HS6ST3: variants seen among roughly 807,000 people sequenced by gnomAD.
The protein encoded by HS6ST3 is heparan sulfate 6-O-sulfotransferase 3.
A neutral mutation model predicts 36.7 loss-of-function variants in HS6ST3; 12 were observed. That is an observed-to-expected ratio of 0.33 (90% confidence interval 0.21 to 0.53). The LOEUF (loss-of-function observed/expected upper bound fraction) is 0.53, where lower values mean the gene tolerates loss of function less well. Ranked by LOEUF, HS6ST3 falls within the 20% of genes least tolerant of loss-of-function variation. The probability of loss-of-function intolerance (pLI) is 0.95; values close to 1 mark genes in which losing one functional copy is unlikely to be tolerated. For synonymous variants in HS6ST3, 240 were observed against 257.5 expected (o/e 0.93, Z 0.65); for missense variants, 584 against 640.9 (o/e 0.91, Z 0.96).
intron 1 of HS6ST3, among the ~76,000 whole-genome samples, chr13:96,312,351 T>C (rs898763671): frequency 2.0e-5 from 3 of 152,184 alleles, no homozygotes; most frequent in Non-Finnish European, 4.4e-5. Flanking sequence ...TTTTCTTCAT[T>C]ATTAGTTTCT....
chr13:96,467,643 T>A (rs2055820810), intron 1 of HS6ST3, among the ~76,000 whole-genome samples: 1 of 152,164 alleles, frequency 6.6e-6, no homozygotes, highest in African/African-American at 2.4e-5. Context: ...TAATAATAAG[T>A]GATGATAACC....
chr13:96,255,977 A>G (rs2054635033), intron 1 of HS6ST3, among the ~76,000 whole-genome samples: 1 of 152,228 alleles, frequency 6.6e-6, no homozygotes, highest in Non-Finnish European at 1.5e-5. Context: ...CTCATGTCCC[A>G]TGAGCTTTTG....
At chr13:96,400,710 G>A (rs1244537473) in intron 1 of HS6ST3, among the ~76,000 whole-genome samples, 6 of 152,138 alleles carry the variant, frequency 3.9e-5, no homozygotes, top group East Asian at 1.9e-4. Context: ...CACCAGTGGC[G>A]CAGGGCTTTG....
At chr13:96,271,715 A>G (rs529771900) in intron 1 of HS6ST3, among the ~76,000 whole-genome samples, 2 of 152,120 alleles carry the variant, frequency 1.3e-5, no homozygotes, top group African/African-American at 4.8e-5. Context: ...GAATCTCCCA[A>G]TCTCAGTGGG....
chr13:96,505,711 T>C (rs1276225228), intron 1 of HS6ST3, among the ~76,000 whole-genome samples: 1 of 152,162 alleles, frequency 6.6e-6, no homozygotes, highest in Admixed American at 6.6e-5. Context: ...ATTGAAGCCC[T>C]TTAAAAATTC....
At chr13:96,682,611 C>T (rs2056722272) in intron 1 of HS6ST3, among the ~76,000 whole-genome samples, 1 of 152,020 alleles carries the variant, frequency 6.6e-6, no homozygotes, top group Non-Finnish European at 1.5e-5. Context: ...GATTATAGAC[C>T]TGATACAAAA....
rs34598011 is a variant in HS6ST3 at position 96,317,348 on chromosome 13, A to AAAAT, written c.707+225779_707+225780insAAAT. Among the ~76,000 whole-genome samples, 70 of 30,452 alleles carry AAAAT rather than the reference A, an allele frequency of 2.3e-3. No individual in the cohort carries two copies. In the East Asian group the frequency reaches 0.03, roughly 13 times the overall value. 20.0% of individuals were successfully genotyped at this position (30,452 alleles called of 152,430 possible). A position where few individuals can be genotyped will look rare whatever the true frequency, so the allele number is the denominator to read the frequency against. On this transcript the variant is annotated intron_variant, in intron 1 of 1. Transcript: ENST00000376705. ...CCATTATATATATATATATATATATATATATATATATATATATATAAAATT... is the reference window on the plus strand; with the variant it reads ...CCATTATATATATATATATATATATAAAATTATATATATATATATATATAAAATT...
chr13:96,606,682 A>C (rs1008391419), intron 1 of HS6ST3, among the ~76,000 whole-genome samples: 1 of 151,656 alleles, frequency 6.6e-6, no homozygotes, highest in Non-Finnish European at 1.5e-5. Flanking sequence ...TGCCTGAGTG[A>C]CAGGATCATC....
At chr13:96,682,744 T>G (rs1384836848) in intron 1 of HS6ST3, among the ~76,000 whole-genome samples, 1 of 152,104 alleles carries the variant, frequency 6.6e-6, no homozygotes, top group African/African-American at 2.4e-5. Context: ...AAATAAATGA[T>G]GGGTTTATTT....
At chr13:96,571,966 C>T (rs761579600) in intron 1 of HS6ST3, among the ~76,000 whole-genome samples, 1 of 152,102 alleles carries the variant, frequency 6.6e-6, no homozygotes, top group Non-Finnish European at 1.5e-5. Context: ...TCAGAGTGTG[C>T]GTAAAGTCAT....
At chr13:96,301,117 C>G (rs2054879613) in intron 1 of HS6ST3, among the ~76,000 whole-genome samples, 2 of 152,202 alleles carry the variant, frequency 1.3e-5, no homozygotes, top group Admixed American at 6.6e-5. Flanking sequence ...GTATGGTCAT[C>G]TCTGTGAACA....
chr13:96,568,588 T>C (rs1437295990), intron 1 of HS6ST3, among the ~76,000 whole-genome samples: 3 of 152,174 alleles, frequency 2.0e-5, no homozygotes, highest in African/African-American at 2.4e-5. Context: ...CAAGTGTCTA[T>C]ATATTATTAT....
chr13:96,167,697 T>C (rs973624751), intron 1 of HS6ST3, among the ~76,000 whole-genome samples: 3 of 152,234 alleles, frequency 2.0e-5, no homozygotes, highest in Admixed American at 6.5e-5. Context: ...TGCTGAATCG[T>C]GCAAGTACTC....
At chr13:96,780,060 G>A (rs1449688378) in intron 1 of HS6ST3, among the ~76,000 whole-genome samples, 1 of 152,212 alleles carries the variant, frequency 6.6e-6, no homozygotes, top group Non-Finnish European at 1.5e-5. Context: ...ATGGATCTCA[G>A]TGGCAGACCT....
At chr13:96,511,989 A>G (rs1427589981) in intron 1 of HS6ST3, among the ~76,000 whole-genome samples, 6 of 152,214 alleles carry the variant, frequency 3.9e-5, no homozygotes, top group Admixed American at 3.9e-4. Flanking sequence ...GGTTTAAGGT[A>G]CCAACTTTAT....
chr13:96,723,893 T>C (rs1875919425), intron 1 of HS6ST3, among the ~76,000 whole-genome samples: 1 of 152,206 alleles, frequency 6.6e-6, no homozygotes, highest in Non-Finnish European at 1.5e-5. Flanking sequence ...TATAGAACTC[T>C]TTTGATGTTT....
intron 1 of HS6ST3, among the ~76,000 whole-genome samples, chr13:96,491,536 T>G (rs150979996): frequency 1.4e-5 from 2 of 146,234 alleles, no homozygotes; most frequent in East Asian, 4.0e-4. Context: ...TTGAGAGGAG[T>G]GTGGTGAAAA....
intron 1 of HS6ST3, among the ~76,000 whole-genome samples, chr13:96,332,923 C>T (rs2055079631): frequency 1.3e-5 from 2 of 152,138 alleles, no homozygotes; most frequent in South Asian, 4.1e-4. Flanking sequence ...CTGAAAGATT[C>T]CTCAGAGAGC....
chr13:96,739,135 T>G (rs1876366961), intron 1 of HS6ST3, among the ~76,000 whole-genome samples: 1 of 152,006 alleles, frequency 6.6e-6, no homozygotes, highest in Non-Finnish European at 1.5e-5. Context: ...CTTTGCTTTT[T>G]CCTCCTATCC....
Sources: gnomAD v4.1 joint callset for allele counts (sites outside exome capture counted in the v4.1 genomes callset) on GRCh38, gnomAD v4.1.1 for gene constraint, MANE v1.5 for transcripts, NCBI Gene and HGNC (gene_info 2026-07-23, HGNC 2026-07-21) for gene names.